Variants in LARS2 observed in about 807,000 individuals in gnomAD.
LARS2 encodes leucyl-tRNA synthetase 2, mitochondrial.
LARS2 carries 81 observed loss-of-function variants against 116.6 expected under a neutral mutation model. The observed-to-expected ratio is 0.69, with a 90% CI of 0.58 to 0.84. The LOEUF (loss-of-function observed/expected upper bound fraction) is 0.84, where lower values mean the gene tolerates loss of function less well. Among genes scored for constraint, LARS2 ranks in the 40% least tolerant of loss-of-function variants. The probability of loss-of-function intolerance (pLI) is 0.00; values close to 1 mark genes in which losing one functional copy is unlikely to be tolerated. For missense variants in LARS2, 968 were observed against 1,114.5 expected, an observed-to-expected ratio of 0.87 and a Z score of 1.87; for synonymous variants, 396 against 407.2, an observed-to-expected ratio of 0.97 and a Z score of 0.33.
chr3:45,500,340 T>TA (rs2125740085), intron 14 of LARS2, 102 bp from the exon 15 acceptor site: 1 of 1,114,150 alleles, frequency 9.0e-7, no homozygotes, highest in African/African-American at 1.6e-5. Context: ...TATTCCCTGA[T>TA]ACGGTTCATT....
intron 4 of LARS2, among the ~76,000 whole-genome samples, chr3:45,409,241 T>A (rs549786502): frequency 6.6e-6 from 1 of 152,270 alleles, no homozygotes; most frequent in South Asian, 2.1e-4. Flanking sequence ...TTAGCACATG[T>A]GAGCTGTAAG....
chr3:45,497,066 C>T (rs539422813), intron 14 of LARS2, among the ~76,000 whole-genome samples: 1 of 152,046 alleles, frequency 6.6e-6, no homozygotes, highest in Admixed American at 6.5e-5. Flanking sequence ...AGAAGCCTCA[C>T]CTCTTACTAC....
At chr3:45,526,459 G>A (rs1000002668) in intron 20 of LARS2, among the ~76,000 whole-genome samples, 1 of 152,102 alleles carries the variant, frequency 6.6e-6, no homozygotes, top group African/African-American at 2.4e-5. Context: ...GACATGAGCC[G>A]CAACATATCC....
rs577920110 is a variant in LARS2, at chr3:45,545,888, G to A, written c.2533-1463G>A. 2.6e-5 allele frequency among the ~76,000 whole-genome samples: 4 copies of A among 152,108 alleles called. No individual in the cohort carries two copies. In the South Asian group the frequency reaches 8.3e-4, roughly 32 times the overall value. On this transcript the variant is annotated intron_variant, in intron 21 of 21. Coordinates refer to ENST00000645846, the MANE Select transcript of LARS2 (RefSeq NM_015340.4). ...CCAGCACTCTTGACAAAGGCAGAGG[G>A]AGTGCAGCTTAGTGAGCTGGTCCCT...
chr3:45,501,853 T>C (rs976373226), intron 15 of LARS2, among the ~76,000 whole-genome samples: 1 of 152,186 alleles, frequency 6.6e-6, no homozygotes, highest in Non-Finnish European at 1.5e-5. Flanking sequence ...TATCCAACTT[T>C]TAAATTTCAC....
Position 45,426,388 on chromosome 3 carries a change from C to T in LARS2, c.516+6659C>T, listed in dbSNP as rs545730712. 1.7e-4 allele frequency among the ~76,000 whole-genome samples: 26 copies of T among 152,336 alleles called. No homozygotes were observed. The South Asian group carries it at 5.0e-3, about 29-fold the overall frequency. ...TGAAGTGTTTGACCCGCCCAGTCCTCTTTCAAGTGCTCACAGAGGTGGGGC... is the reference window on the plus strand; with the variant it reads ...TGAAGTGTTTGACCCGCCCAGTCCTTTTTCAAGTGCTCACAGAGGTGGGGC... On this transcript the variant is annotated intron_variant, in intron 6 of 21. Transcript: ENST00000645846.
chr3:45,425,405 A>C (rs12632096), intron 6 of LARS2, among the ~76,000 whole-genome samples: 1 of 152,010 alleles, frequency 6.6e-6, no homozygotes, highest in Non-Finnish European at 1.5e-5. Context: ...GTGACCTCAC[A>C]CTCGTCCCTG....
intron 6 of LARS2, among the ~76,000 whole-genome samples, chr3:45,437,536 G>A (rs1382309300): frequency 6.6e-6 from 1 of 152,212 alleles, no homozygotes; most frequent in Non-Finnish European, 1.5e-5. Context: ...CAGTCAGTGA[G>A]GCTGAGGAAG....
At chr3:45,461,417 G>A (rs759628826) in intron 8 of LARS2, among the ~76,000 whole-genome samples, 1 of 151,692 alleles carries the variant, frequency 6.6e-6, no homozygotes, top group Non-Finnish European at 1.5e-5. Context: ...AAAACTAAAA[G>A]GACACTGTAG....
intron 2 of LARS2, 74 bp downstream of exon 2, chr3:45,391,722 T>TA (rs1013619933): frequency 2.6e-5 from 4 of 152,182 alleles, no homozygotes; most frequent in African/African-American, 4.8e-5. Context: ...CCTGCTTTTT[T>TA]AAAAAAATGA....
chr3:45,528,770 C>T (rs1700570583), intron 20 of LARS2, among the ~76,000 whole-genome samples: 1 of 152,078 alleles, frequency 6.6e-6, no homozygotes, highest in African/African-American at 2.4e-5. Context: ...TTATTGATGA[C>T]TTGTTTTATT....
chr3:45,527,003 G>GAGAC (rs1486457369), intron 20 of LARS2, among the ~76,000 whole-genome samples: 3 of 152,196 alleles, frequency 2.0e-5, no homozygotes, highest in Non-Finnish European at 2.9e-5. Context: ...CATCCAGGTA[G>GAGAC]AGACACAAGT....
chr3:45,453,256 T>C (rs916373773), intron 7 of LARS2, among the ~76,000 whole-genome samples: 13 of 152,246 alleles, frequency 8.5e-5, no homozygotes, highest in African/African-American at 3.1e-4. Flanking sequence ...GCATTTTTTA[T>C]CTGGAGTTGC....
intron 6 of LARS2, among the ~76,000 whole-genome samples, chr3:45,424,006 T>C (rs1296558506): frequency 6.6e-6 from 1 of 152,226 alleles, no homozygotes; most frequent in Non-Finnish European, 1.5e-5. Context: ...GTGTGGTCTT[T>C]ACCCAGCTTT....
chr3:45,450,394 C>T (rs535998668), intron 7 of LARS2, among the ~76,000 whole-genome samples: 1 of 152,194 alleles, frequency 6.6e-6, no homozygotes, highest in South Asian at 2.1e-4. Flanking sequence ...ATCCCCCGCT[C>T]TCTCCCCTTC....
At chr3:45,501,285 C>T (rs1277704362) in intron 15 of LARS2, among the ~76,000 whole-genome samples, 2 of 150,806 alleles carry the variant, frequency 1.3e-5, no homozygotes, top group African/African-American at 2.4e-5. Flanking sequence ...CCCACCACCT[C>T]GCCCCTAGCT....
At chr3:45,393,099 A>G (rs577653086) in intron 2 of LARS2, among the ~76,000 whole-genome samples, 14 of 152,350 alleles carry the variant, frequency 9.2e-5, no homozygotes, top group Admixed American at 7.2e-4. Flanking sequence ...GAAGAAGCCA[A>G]CGAAACATTA....
At chr3:45,475,029 T>G (rs1206057070) in intron 9 of LARS2, among the ~76,000 whole-genome samples, 1 of 152,220 alleles carries the variant, frequency 6.6e-6, no homozygotes, top group African/African-American at 2.4e-5. Context: ...CTCTACTGAC[T>G]AGAGAGTTGT....
chr3:45,466,320 C>T (rs926117730), intron 8 of LARS2, among the ~76,000 whole-genome samples: 3 of 152,086 alleles, frequency 2.0e-5, no homozygotes, highest in African/African-American at 7.2e-5. Context: ...ACCAATGAAC[C>T]TCTTCAGCTT....
Sources: allele counts gnomAD v4.1 joint callset (sites outside exome capture counted in the v4.1 genomes callset), GRCh38; gene constraint gnomAD v4.1.1; transcripts MANE v1.5; gene names NCBI Gene and HGNC (gene_info 2026-07-23, HGNC 2026-07-21).